The following EFCAB11 variants were observed in gnomAD, a reference collection of about 807,000 sequenced individuals.
The protein encoded by EFCAB11 is EF-hand calcium-binding domain-containing protein 11.
Under a neutral mutation model 23.0 loss-of-function variants are expected in EFCAB11, and 14 were observed. The observed-to-expected ratio is 0.61, with a 90% CI of 0.40 to 0.95. The LOEUF (loss-of-function observed/expected upper bound fraction) is 0.95, where lower values mean the gene tolerates loss of function less well. EFCAB11 is among the 40% of genes least tolerant of loss of function. The pLI, the probability that EFCAB11 is intolerant of heterozygous loss-of-function variation, is 0.00. For synonymous variants in EFCAB11, 65 were observed against 66.6 expected (o/e 0.98, Z 0.11); for missense variants, 198 against 195.8 (o/e 1.01, Z -0.07).
intron 5 of EFCAB11, among the ~76,000 whole-genome samples, chr14:89,925,292 C>T (rs1890154332): frequency 6.6e-6 from 1 of 152,100 alleles, no homozygotes; most frequent in African/African-American, 2.4e-5. Flanking sequence ...GGAAAAGAGA[C>T]CAGATGTTGG....
chr14:89,937,604 C>A (rs1482623309), intron 3 of EFCAB11, among the ~76,000 whole-genome samples: 1 of 152,172 alleles, frequency 6.6e-6, no homozygotes, highest in Non-Finnish European at 1.5e-5. Context: ...TGGCTCACTG[C>A]AACCTCCACC....
intron 5 of EFCAB11, among the ~76,000 whole-genome samples, chr14:89,893,434 C>A (rs921280414): frequency 5.3e-5 from 8 of 152,134 alleles, no homozygotes; most frequent in African/African-American, 1.4e-4. Flanking sequence ...CACCAAGATC[C>A]CCCTTTCTGG....
chr14:89,930,808 G>A (rs1890362574), intron 5 of EFCAB11, among the ~76,000 whole-genome samples: 1 of 152,102 alleles, frequency 6.6e-6, no homozygotes, highest in East Asian at 1.9e-4. Context: ...GGGTTTTCTG[G>A]CTCTCGCTGG....
intron 3 of EFCAB11, among the ~76,000 whole-genome samples, chr14:89,948,695 A>G (rs1370348743): frequency 6.6e-6 from 1 of 152,242 alleles, no homozygotes; most frequent in Non-Finnish European, 1.5e-5. Context: ...AACAACACAG[A>G]TGAAAATGGG....
intron 5 of EFCAB11, among the ~76,000 whole-genome samples, chr14:89,804,628 A>AGAGAGAG (rs1885905764): frequency 6.6e-6 from 1 of 152,234 alleles, no homozygotes; most frequent in African/African-American, 2.4e-5. Flanking sequence ...ATTTTGAGAG[A>AGAGAGAG]TGAAACTTCA....
chr14:89,820,332 A>G (rs1886470687), intron 5 of EFCAB11, among the ~76,000 whole-genome samples: 1 of 152,120 alleles, frequency 6.6e-6, no homozygotes, highest in Admixed American at 6.6e-5. Flanking sequence ...AGAGACAAAG[A>G]AACTTAAGGA....
At chr14:89,954,316 T>G in intron 1 of EFCAB11, 1 of 1,531,206 alleles carries the variant, frequency 6.5e-7, no homozygotes. Context: ...GCAAAGGGGC[T>G]GGCTTTGAAA....
intron 5 of EFCAB11, among the ~76,000 whole-genome samples, chr14:89,857,179 G>A (rs1887779442): frequency 1.3e-5 from 2 of 152,206 alleles, no homozygotes; most frequent in South Asian, 2.1e-4. Context: ...GAAGATAATG[G>A]TATTTACTTA....
At chr14:89,797,443 A>G (rs1268792650) in intron 5 of EFCAB11, 119 bp from the exon 6 acceptor site, 5 of 794,446 alleles carry the variant, frequency 6.3e-6, no homozygotes, top group African/African-American at 1.7e-5. Flanking sequence ...TATTTTATCT[A>G]CTTGAAGGCT....
chr14:89,829,790 C>T (rs999457431), intron 5 of EFCAB11: 1 of 152,164 alleles, frequency 6.6e-6, no homozygotes, highest in Non-Finnish European at 1.5e-5. Flanking sequence ...GAAGAGCAAA[C>T]ACCAAACACC....
intron 5 of EFCAB11, among the ~76,000 whole-genome samples, chr14:89,918,967 T>C (rs1015390876): frequency 1.3e-5 from 2 of 148,920 alleles, no homozygotes; most frequent in African/African-American, 5.0e-5. Context: ...CTGCATGAAA[T>C]GGAAGGCATT....
chr14:89,811,879 A>T (rs1459097560), intron 5 of EFCAB11, among the ~76,000 whole-genome samples: 1 of 152,218 alleles, frequency 6.6e-6, no homozygotes, highest in Non-Finnish European at 1.5e-5. Flanking sequence ...AATACAAAGG[A>T]GATGATCATG....
intron 5 of EFCAB11, among the ~76,000 whole-genome samples, chr14:89,825,497 G>A (rs1455600173): frequency 6.6e-6 from 1 of 151,580 alleles, no homozygotes; most frequent in Non-Finnish European, 1.5e-5. Flanking sequence ...CAATTAACTG[G>A]AAAATGAAAA....
At position 89,924,565 on chromosome 14, in the gene EFCAB11, G is replaced by A; in HGVS notation, c.410+6976C>T. On this transcript the variant is annotated intron_variant, in intron 5 of 5. Coordinates refer to ENST00000316738, the MANE Select transcript of EFCAB11 (RefSeq NM_145231.4). The stretch of plus-strand genomic sequence containing the variant: ...GGAGAAGTAAACATATCCATGCAGA[G>A]AAAAATGCCAGCCAGAAATACCACA... 3 of 1,527,392 alleles carry A rather than the reference G, an allele frequency of 2.0e-6. No homozygotes were observed. In the East Asian group the frequency reaches 7.4e-5, roughly 38 times the overall value. 94.6% of individuals were successfully genotyped at this position (1,527,392 alleles called of 1,614,324 possible). A position where few individuals can be genotyped will look rare whatever the true frequency, so the allele number is the denominator to read the frequency against.
At chr14:89,850,012 C>A (rs1457253840) in intron 5 of EFCAB11, among the ~76,000 whole-genome samples, 2 of 152,118 alleles carry the variant, frequency 1.3e-5, no homozygotes, top group East Asian at 1.9e-4. Context: ...ACACAAGCCC[C>A]CTAATTACCA....
intron 5 of EFCAB11, among the ~76,000 whole-genome samples, chr14:89,822,268 A>C (rs952760826): frequency 6.6e-6 from 1 of 152,222 alleles, no homozygotes; most frequent in African/African-American, 2.4e-5. Context: ...ACTAAGAAAT[A>C]AAAGTGTACA....
intron 5 of EFCAB11, among the ~76,000 whole-genome samples, chr14:89,809,769 G>A (rs1429487983): frequency 6.6e-6 from 1 of 152,098 alleles, no homozygotes; most frequent in East Asian, 1.9e-4. Context: ...AGAATGAATT[G>A]GGCAGGGAAA....
chr14:89,849,440 T>C (rs1443722467), intron 5 of EFCAB11, among the ~76,000 whole-genome samples: 21 of 152,208 alleles, frequency 1.4e-4, no homozygotes, highest in African/African-American at 5.1e-4. Flanking sequence ...TGGTGTAATC[T>C]ATTTTGGTAG....
In EFCAB11 at chr14:89,887,574, C is replaced by T. The variant is rs192859445; in HGVS notation, c.410+43967G>A. 2.1e-3 allele frequency among the ~76,000 whole-genome samples: 318 copies of T among 152,224 alleles called. 1 individual carries two copies. Among genetic ancestry groups the T allele is most frequent in the African/African-American group, 7.3e-3 (302 of 41,526 alleles). ...ATGTGGTATTTAAGTAAAAACAGTA[C>T]TAAGGTATTAAATTGAAATAAAGTA... On this transcript the variant is annotated intron_variant, in intron 5 of 5. Coordinates refer to ENST00000316738, the MANE Select transcript of EFCAB11 (RefSeq NM_145231.4).
Sources: gnomAD v4.1 joint callset for allele counts (sites outside exome capture counted in the v4.1 genomes callset) on GRCh38, gnomAD v4.1.1 for gene constraint, MANE v1.5 for transcripts, NCBI Gene and HGNC (gene_info 2026-07-23, HGNC 2026-07-21) for gene names.